The following CACNA1B variants were observed in gnomAD, a reference collection of about 807,000 sequenced individuals.
CACNA1B encodes the protein calcium voltage-gated channel subunit alpha1 B, also known as voltage-dependent N-type calcium channel subunit alpha-1B.
In CACNA1B, 70 loss-of-function variants were observed where a neutral mutation model predicts 247.2. That is an observed-to-expected ratio of 0.28 (90% CI 0.23 to 0.35). The LOEUF (loss-of-function observed/expected upper bound fraction) is 0.35. Ranked by LOEUF, CACNA1B falls within the 10% of genes least tolerant of loss-of-function variation. The pLI is 1.00. For synonymous variants in CACNA1B, 1,231 were observed against 1,294.4 expected, an observed-to-expected ratio of 0.95 and a Z score of 1.05; for missense variants, 2,367 against 3,197.4, an observed-to-expected ratio of 0.74 and a Z score of 6.26.
intron 20 of CACNA1B, among the ~76,000 whole-genome samples, chr9:138,035,987 T>G (rs1444549640): frequency 1.3e-5 from 2 of 152,226 alleles, no homozygotes; most frequent in Admixed American, 1.3e-4. Context: ...TTTAAATTTC[T>G]AATTGACAGA....
chr9:137,994,960 T>C (rs1213236256), intron 15 of CACNA1B, among the ~76,000 whole-genome samples: 2 of 151,988 alleles, frequency 1.3e-5, no homozygotes, highest in African/African-American at 2.4e-5. Context: ...ATCCCAGCAC[T>C]TTGGAAGGCC....
At position 137,968,883 on chromosome 9, in the gene CACNA1B, A is replaced by T. The variant is rs946275042; in HGVS notation, c.1334-2500A>T. ...TTTCTCCCTAGCTTGAAGATGTCCT[A>T]TCATTTTTCTTGAAATAAGCTTTTT... On this transcript the variant is annotated intron_variant, in intron 10 of 46. Transcript: ENST00000371372. Among the ~76,000 whole-genome samples, 5 of 152,264 alleles carry T rather than the reference A, an allele frequency of 3.3e-5. 1 individual carries two copies. Among genetic ancestry groups the T allele is most frequent in the African/African-American group, 1.2e-4 (5 of 41,478 alleles).
Position 138,054,021 on chromosome 9 carries a change from G to C in CACNA1B, c.3968+15G>C, listed in dbSNP as rs767015028. The C allele has an allele frequency of 6.2e-7, 1 of 1,612,762 alleles. No homozygotes were observed. Among genetic ancestry groups the C allele is most frequent in the Admixed American group, 1.7e-5 (1 of 60,026 alleles). ...AGGGACTGCAGGTAAACTGAGGCAG[G>C]GTGCAAGGTGGGACACACAGCCCCA... On this transcript the variant is annotated intron_variant, in intron 26 of 46. Coordinates refer to ENST00000371372, the MANE Select transcript of CACNA1B (RefSeq NM_000718.4). The surrounding 1 kb of genome is among the most constrained non-coding windows in gnomAD (Gnocchi z 4.6).
At chr9:138,043,308 C>A (rs181781561) in intron 20 of CACNA1B, among the ~76,000 whole-genome samples, 1 of 152,250 alleles carries the variant, frequency 6.6e-6, no homozygotes, top group Non-Finnish European at 1.5e-5. Context: ...CCTGGGATCT[C>A]GAGGAAGAAA....
Position 137,889,713 on chromosome 9 carries a change from C to T in CACNA1B, c.530+6830C>T, listed in dbSNP as rs1451913315. On this transcript the variant is annotated intron_variant, in intron 3 of 46. Transcript: ENST00000371372. ...TGGCCTCCCATCGGGCCTCCATGTCCGTGGGGACAGGCCTGGCAGCCATGC... is the reference window on the plus strand; with the variant it reads ...TGGCCTCCCATCGGGCCTCCATGTCTGTGGGGACAGGCCTGGCAGCCATGC... Among the ~76,000 whole-genome samples, 13 of 148,950 alleles carry T rather than the reference C, an allele frequency of 8.7e-5. 1 individual carries two copies. The highest frequency in any genetic ancestry group is 3.2e-4 in the African/African-American group (13 of 41,118).
Position 138,120,793 on chromosome 9 carries a change from G to GTCTTCTTCTCCT in CACNA1B, c.6401_6402insTCTTCTTCTCCT (p.Gly2134_Gly2135insLeuLeuLeuLeu). ...CGCTTCTACTCCTGCGACCGCTTTG[G>GTCTTCTTCTCCT]GGGCCGTGAGCCCCCGAAGCCCAAG... is the stretch of plus-strand genomic sequence containing the variant. On this transcript the variant is annotated inframe_insertion, in exon 46 of 47. Coordinates refer to ENST00000371372, the MANE Select transcript of CACNA1B (RefSeq NM_000718.4). The GTCTTCTTCTCCT allele has an allele frequency of 6.4e-7, 1 of 1,556,566 alleles. No individual in the cohort carries two copies. The highest frequency in any genetic ancestry group is 8.7e-7 in the Non-Finnish European group (1 of 1,150,650).
At chr9:137,931,393 C>T (rs1957606070) in intron 6 of CACNA1B, among the ~76,000 whole-genome samples, 2 of 152,086 alleles carry the variant, frequency 1.3e-5, no homozygotes, top group Admixed American at 6.5e-5. Context: ...AGGTACTTTC[C>T]ATTTTTCGTC....
chr9:137,896,175 C>G (rs1306430928), intron 3 of CACNA1B, among the ~76,000 whole-genome samples: 1 of 147,190 alleles, frequency 6.8e-6, no homozygotes, highest in East Asian at 2.0e-4. Flanking sequence ...GGTGGCGGAG[C>G]TTGCAGTGAG....
At chr9:137,907,726 G>A (rs182410641) in intron 3 of CACNA1B, among the ~76,000 whole-genome samples, 26 of 151,900 alleles carry the variant, frequency 1.7e-4, no homozygotes, top group African/African-American at 5.1e-4. Context: ...TTATTTTATC[G>A]TAGTCACATT....
intron 36 of CACNA1B, 32 bp from the exon 37 acceptor site, chr9:138,096,452 C>G: frequency 3.1e-6 from 5 of 1,607,028 alleles, no homozygotes; most frequent in Non-Finnish European, 4.3e-6. Flanking sequence ...TGAGGTCTCT[C>G]TCCGTCACCT....
rs751349428 is a variant in CACNA1B, at chr9:137,888,569, A to G, written c.530+5686A>G. On this transcript the variant is annotated intron_variant, in intron 3 of 46. Coordinates refer to ENST00000371372, the MANE Select transcript of CACNA1B (RefSeq NM_000718.4). The surrounding 1 kb of genome is among the most constrained non-coding windows in gnomAD (Gnocchi z 4.7). ...GGTGGCTCTCCGGGGGAGCTTTCCA[A>G]CCACGGCTTCTTGTTTTAGTCTAAA... 1.3e-5 allele frequency among the ~76,000 whole-genome samples: 2 copies of G among 152,212 alleles called. No individual in the cohort carries two copies. The highest frequency in any genetic ancestry group is 2.9e-5 in the Non-Finnish European group (2 of 68,034).
At position 138,100,994 on chromosome 9, in the gene CACNA1B, T is replaced by G; in HGVS notation, c.5223-1717T>G. 1 of 435,180 alleles carries G rather than the reference T, an allele frequency of 2.3e-6. No homozygotes were observed. Among genetic ancestry groups the G allele is most frequent in the South Asian group, 1.7e-5 (1 of 58,616 alleles). The allele number at this position is 435,180 out of a possible 1,614,324, so 27.0% of individuals were successfully genotyped here. ...CCACCTGTCCAGTGCACCCCTCACCTCCGCCGCCACGCCTGCGCGAGGTCG... is the reference window on the plus strand; with the variant it reads ...CCACCTGTCCAGTGCACCCCTCACCGCCGCCGCCACGCCTGCGCGAGGTCG... On this transcript the variant is annotated intron_variant, in intron 37 of 46. Transcript: ENST00000371372. This position sits in a 1 kb window ranked among gnomAD's most constrained non-coding sequence, Gnocchi z 4.6.
In CACNA1B at chr9:138,116,550, G is replaced by A. The variant is rs527561184; in HGVS notation, c.5777+871G>A. Among the ~76,000 whole-genome samples, 427 of 152,344 alleles carry A rather than the reference G, an allele frequency of 2.8e-3. 2 individuals are homozygous for A. Among genetic ancestry groups the A allele is most frequent in the Non-Finnish European group, 4.9e-3 (331 of 68,026 alleles). On this transcript the variant is annotated intron_variant, in intron 42 of 46. Transcript: ENST00000371372. ...TGATTCTGACTGTATGTGCAGGTGG[G>A]AGGAGATAGTGAGGTGTCTGGGGTT...
intron 15 of CACNA1B, among the ~76,000 whole-genome samples, chr9:137,995,473 C>G (rs1036939585): frequency 1.3e-5 from 2 of 152,142 alleles, no homozygotes; most frequent in African/African-American, 4.8e-5. Flanking sequence ...GGATAATTGG[C>G]AAGCCACAGG....
chr9:138,111,361 T>C (rs1036571726), intron 39 of CACNA1B, among the ~76,000 whole-genome samples: 13 of 152,234 alleles, frequency 8.5e-5, no homozygotes, highest in African/African-American at 3.1e-4. Flanking sequence ...TGTATGACTC[T>C]CACATGCACC....
At position 138,102,130 on chromosome 9, in the gene CACNA1B, G is replaced by T. The variant is rs73575889; in HGVS notation, c.5223-581G>T. Among the ~76,000 whole-genome samples, 873 of 152,306 alleles carry T rather than the reference G, an allele frequency of 5.7e-3. 11 individuals are homozygous for T. Among genetic ancestry groups the T allele is most frequent in the African/African-American group, 0.02 (826 of 41,574 alleles). On this transcript the variant is annotated intron_variant, in intron 37 of 46. Coordinates refer to ENST00000371372, the MANE Select transcript of CACNA1B (RefSeq NM_000718.4). This position sits in a 1 kb window ranked among gnomAD's most constrained non-coding sequence, Gnocchi z 5.4. ...GAAGCAGGACTTGCCCCAAGGTTAGGTTTTGGCTGTACAGCTTCAGGGCTC... is the reference window on the plus strand; with the variant it reads ...GAAGCAGGACTTGCCCCAAGGTTAGTTTTTGGCTGTACAGCTTCAGGGCTC...
chr9:137,949,140 TATCTGTGC>T (rs1957840863), intron 6 of CACNA1B, among the ~76,000 whole-genome samples: 1 of 876 alleles, frequency 1.1e-3, no homozygotes. Flanking sequence ...GTGTGTGGTG[TATCTGTGC>T]ATGTGTGTGG....
In CACNA1B at chr9:138,057,984, G is replaced by A; in HGVS notation, c.4107-65G>A. ...AAGCAGACCCACCCTTGTGGTGCAG[G>A]TCTTGAGTTCTTAGGGCTGTCTCCT... On this transcript the variant is annotated intron_variant, in intron 27 of 46. Transcript: ENST00000371372. The surrounding 1 kb of genome is among the most constrained non-coding windows in gnomAD (Gnocchi z 4.0). 6.4e-7 allele frequency: 1 copy of A among 1,565,952 alleles called. No individual in the cohort carries two copies.
rs77914810 is a variant in CACNA1B at position 138,058,519 on chromosome 9, C to A, written c.4309-50C>A. ...CAGGGCTGGGTGCAGTAGATGCCGT[C>A]GGGTAGGTTTTCTGCTTCTGAGTCT... On this transcript the variant is annotated intron_variant, in intron 28 of 46. Coordinates refer to ENST00000371372, the MANE Select transcript of CACNA1B (RefSeq NM_000718.4). This position sits in a 1 kb window ranked among gnomAD's most constrained non-coding sequence, Gnocchi z 4.7. The A allele has an allele frequency of 2.6e-6, 4 of 1,536,994 alleles. No homozygotes were observed. Among genetic ancestry groups the A allele is most frequent in the Non-Finnish European group, 3.5e-6 (4 of 1,131,176 alleles).
Sources: allele counts gnomAD v4.1 joint callset (sites outside exome capture counted in the v4.1 genomes callset), GRCh38; gene constraint gnomAD v4.1.1; non-coding constraint Gnocchi (gnomAD v3.1); transcripts MANE v1.5; gene names NCBI Gene and HGNC (gene_info 2026-07-23, HGNC 2026-07-21).